ULK2: variants seen among roughly 807,000 people sequenced by gnomAD.
ULK2 encodes the protein serine/threonine-protein kinase ULK2.
In ULK2, 76 loss-of-function variants were observed where a neutral mutation model predicts 127.5. The ratio of observed to expected loss-of-function variants is 0.60; its 90% confidence interval spans 0.50 to 0.72. ULK2 has a LOEUF of 0.72. ULK2 is among the 30% of genes least tolerant of loss of function. The pLI is 0.00. For synonymous variants in ULK2, 452 were observed against 461.9 expected (o/e 0.98, Z 0.28); for missense variants, 1,144 against 1,295.9 (o/e 0.88, Z 1.80).
chr17:19,808,744 T>C (rs1001288947), intron 14 of ULK2, among the ~76,000 whole-genome samples: 2 of 152,144 alleles, frequency 1.3e-5, no homozygotes, highest in African/African-American at 4.8e-5. Flanking sequence ...TCACACTCAT[T>C]AATTAGGATG....
chr17:19,799,579 CA>C lies in ULK2; in HGVS notation c.1442-5del, dbSNP rs11456096. The C allele has an allele frequency of 0.043, 49,373 of 1,150,956 alleles. No homozygotes were observed. The highest frequency in any genetic ancestry group is 0.099 in the East Asian group (3,118 of 31,652). 71.3% of individuals were successfully genotyped at this position (1,150,956 alleles called of 1,614,324 possible). ...AATTGCTCAGGAATGGTACCAACTA[CA>C]AAAAAAAAAAAAAAAAAGATGGGGA... is the stretch of plus-strand genomic sequence containing the variant. On this transcript the variant is annotated splice_region_variant and splice_polypyrimidine_tract_variant and intron_variant, in intron 16 of 26. Transcript: ENST00000395544.
chr17:19,841,587 G>T lies in ULK2; in HGVS notation c.646-40C>A, dbSNP rs199834118. On this transcript the variant is annotated intron_variant, in intron 8 of 26. Coordinates refer to ENST00000395544, the MANE Select transcript of ULK2 (RefSeq NM_014683.4). Reference sequence around the variant, plus strand: ...AAGGTTTAATTTCCTAAACAATGGGGGCAAAACTTTCAAATCATATGATTG... The same window carrying T: ...AAGGTTTAATTTCCTAAACAATGGGTGCAAAACTTTCAAATCATATGATTG... 9.4e-6 allele frequency: 14 copies of T among 1,487,620 alleles called. No individual in the cohort carries two copies. The African/African-American group carries it at 1.7e-4, about 18-fold the overall frequency. 92.2% of individuals were successfully genotyped at this position (1,487,620 alleles called of 1,614,324 possible).
chr17:19,815,845 AAAAT>A (rs902540326), intron 13 of ULK2, among the ~76,000 whole-genome samples: 55 of 152,312 alleles, frequency 3.6e-4, no homozygotes, highest in African/African-American at 1.3e-3. Context: ...CCTAAAACCT[AAAAT>A]AATAACAAAA....
At chr17:19,783,280 G>A (rs1050487490) in intron 22 of ULK2, among the ~76,000 whole-genome samples, 10 of 151,858 alleles carry the variant, frequency 6.6e-5, no homozygotes, top group African/African-American at 2.2e-4. Flanking sequence ...GTGAAACCCC[G>A]TCTCTACTAA....
chr17:19,841,829 T>C (rs940796239), intron 8 of ULK2, among the ~76,000 whole-genome samples: 3 of 152,182 alleles, frequency 2.0e-5, no homozygotes, highest in Admixed American at 6.6e-5. Flanking sequence ...TGACATTGTG[T>C]GAAAATTCTG....
intron 11 of ULK2, 58 bp downstream of exon 11, chr17:19,826,081 A>AT: frequency 9.8e-7 from 1 of 1,018,164 alleles, no homozygotes; most frequent in South Asian, 2.7e-5. Flanking sequence ...AAAATCATTA[A>AT]TTTTTCCTAA....
chr17:19,782,489 A>T (rs1199025716), intron 22 of ULK2, among the ~76,000 whole-genome samples: 1 of 152,198 alleles, frequency 6.6e-6, no homozygotes, highest in Non-Finnish European at 1.5e-5. Flanking sequence ...GAGTTGCTTT[A>T]TTTAATTTCT....
chr17:19,783,845 G>A lies in ULK2; in HGVS notation c.2312C>T (p.Ser771Phe). 1.3e-6 allele frequency: 2 copies of A among 1,594,754 alleles called. No individual in the cohort carries two copies. Among genetic ancestry groups the A allele is most frequent in the South Asian group, 2.3e-5 (2 of 87,170 alleles). ...AGAGCCGAAGCCTGGGCCAGGCGGG[G>A]ACCCCACGCACACGCGGCCACTCAT... is the stretch of plus-strand genomic sequence containing the variant. ...CAMSGRVCVG[S>F]PPGPGFGSSP... The change falls in exon 22 of 27, where the codon TCC becomes TTC. Residue 771 changes from serine (S) to phenylalanine (F), a missense_variant. Transcript: ENST00000395544.
intron 20 of ULK2, among the ~76,000 whole-genome samples, chr17:19,789,651 T>A (rs1418586627): frequency 6.6e-6 from 1 of 151,970 alleles, no homozygotes; most frequent in Non-Finnish European, 1.5e-5. Flanking sequence ...AAATTCAAGA[T>A]AATATAGAGA....
chr17:19,796,240 T>G lies in ULK2; in HGVS notation c.1852A>C (p.Asn618His), dbSNP rs1387521815. ...FKIPKTQASS[N>H]LLALVTRHGP... is the part of the protein sequence containing the mutation. Reference sequence around the variant, plus strand: ...TGACGAGTAACCAAGGCTAACAGGTTGGAAGATGCTTGAGTTTTAGGGATT... The same window carrying G: ...TGACGAGTAACCAAGGCTAACAGGTGGGAAGATGCTTGAGTTTTAGGGATT... The change falls in exon 19 of 27, where the codon AAC (asparagine) becomes CAC (histidine). Residue 618 changes from asparagine to histidine, a missense_variant. Physicochemically the swap from Asn to His is moderately conservative, Grantham distance 68. Coordinates refer to ENST00000395544, the MANE Select transcript of ULK2 (RefSeq NM_014683.4). 1 of 1,614,056 alleles carries G rather than the reference T, an allele frequency of 6.2e-7. No homozygotes were observed. The highest frequency in any genetic ancestry group is 1.1e-5 in the South Asian group (1 of 91,058).
intron 10 of ULK2, among the ~76,000 whole-genome samples, chr17:19,835,484 A>C (rs1366473431): frequency 3.3e-5 from 5 of 150,918 alleles, no homozygotes; most frequent in Non-Finnish European, 7.4e-5. Context: ...TGGGAGGCCG[A>C]GGTGGGCGGA....
intron 16 of ULK2, among the ~76,000 whole-genome samples, chr17:19,800,112 C>T (rs1399600765): frequency 6.6e-6 from 1 of 152,198 alleles, no homozygotes; most frequent in African/African-American, 2.4e-5. Context: ...ACCTACACCA[C>T]AGTCTGAGAC....
chr17:19,780,879 A>G, intron 24 of ULK2, 107 bp downstream of exon 24: 4 of 1,180,478 alleles, frequency 3.4e-6, no homozygotes, highest in Non-Finnish European at 4.9e-6. Context: ...AAGAATACTG[A>G]AAAATAAAAA....
At chr17:19,794,734 AAAAC>A (rs1440838969) in intron 20 of ULK2, among the ~76,000 whole-genome samples, 4 of 152,110 alleles carry the variant, frequency 2.6e-5, no homozygotes, top group Admixed American at 1.3e-4. Flanking sequence ...AAAAAAAAAA[AAAAC>A]AAGGAGATTA....
chr17:19,814,441 T>A (rs1372254949), intron 13 of ULK2, among the ~76,000 whole-genome samples: 1,071 of 11,204 alleles, frequency 0.096, 50 homozygotes, highest in African/African-American at 0.21. Flanking sequence ...TATATATATT[T>A]TTTTTTTTTT....
At chr17:19,789,290 A>T (rs903295916) in intron 20 of ULK2, among the ~76,000 whole-genome samples, 1 of 152,100 alleles carries the variant, frequency 6.6e-6, no homozygotes, top group Non-Finnish European at 1.5e-5. Context: ...GTTAGGGAAG[A>T]GAACAAAAGT....
chr17:19,843,507 G>A (rs749131544), intron 7 of ULK2, among the ~76,000 whole-genome samples: 7 of 152,076 alleles, frequency 4.6e-5, no homozygotes, highest in Middle Eastern at 3.4e-3. Context: ...TAAGAGGGCC[G>A]AAAGAGTAAA....
chr17:19,851,725 A>G (rs895517027), intron 3 of ULK2, among the ~76,000 whole-genome samples: 2 of 152,096 alleles, frequency 1.3e-5, no homozygotes, highest in African/African-American at 2.4e-5. Context: ...ATAGAGAGGT[A>G]TAAGAAGAGG....
In ULK2 at chr17:19,780,640, A is replaced by G; in HGVS notation, c.2759-11T>C. On this transcript the variant is annotated splice_polypyrimidine_tract_variant and intron_variant, in intron 24 of 26. Coordinates refer to ENST00000395544, the MANE Select transcript of ULK2 (RefSeq NM_014683.4). ...TCAGATTCTTGACAACTGAAAAAAA[A>G]TTGAGATGGGAACTAATTTTAATTT... 1 of 1,595,346 alleles carries G rather than the reference A, an allele frequency of 6.3e-7. No homozygotes were observed. The highest frequency in any genetic ancestry group is 1.1e-5 in the South Asian group (1 of 87,492).
Sources: gnomAD v4.1 joint callset for allele counts (sites outside exome capture counted in the v4.1 genomes callset) on GRCh38, gnomAD v4.1.1 for gene constraint, MANE v1.5 for transcripts, NCBI Gene and HGNC (gene_info 2026-07-23, HGNC 2026-07-21) for gene names.